The following EXOC3L2 variants were observed in gnomAD, a reference collection of about 807,000 sequenced individuals.
EXOC3L2 encodes the protein exocyst complex component 3 like 2.
Under a neutral mutation model 44.4 loss-of-function variants are expected in EXOC3L2, and 17 were observed. That is an observed-to-expected ratio of 0.38 (90% CI 0.26 to 0.57). EXOC3L2 has a LOEUF of 0.57. EXOC3L2 is among the 20% of genes least tolerant of loss of function. EXOC3L2 has a pLI of 0.65. For synonymous variants in EXOC3L2, 256 were observed against 253.7 expected, an observed-to-expected ratio of 1.01 and a Z score of -0.09; for missense variants, 541 against 588.4, an observed-to-expected ratio of 0.92 and a Z score of 0.83.
rs1158592136 is a variant in EXOC3L2, at chr19:45,238,279, G to C, written c.523+244C>G. 6.6e-6 allele frequency among the ~76,000 whole-genome samples: 1 copy of C among 152,178 alleles called. No individual in the cohort carries two copies. Among genetic ancestry groups the C allele is most frequent in the Non-Finnish European group, 1.5e-5 (1 of 68,020 alleles). Reference sequence around the variant, plus strand: ...ACGGCAGGTGGAGGAGGCAAAGATTGAGGGTGGGCATATATTAACAGGTGG... The same window carrying C: ...ACGGCAGGTGGAGGAGGCAAAGATTCAGGGTGGGCATATATTAACAGGTGG... On this transcript the variant is annotated intron_variant, in intron 2 of 11. Coordinates refer to ENST00000413988, the MANE Select transcript of EXOC3L2 (RefSeq NM_001382422.1). This position sits in a 1 kb window ranked among gnomAD's most constrained non-coding sequence, Gnocchi z 5.5.
chr19:45,230,788 T>G (rs1970022854), intron 4 of EXOC3L2, among the ~76,000 whole-genome samples: 1 of 152,196 alleles, frequency 6.6e-6, no homozygotes, highest in Non-Finnish European at 1.5e-5. Flanking sequence ...TCTGATTCTC[T>G]GATCAAATGT....
Position 45,225,272 on chromosome 19 carries a change from C to CTT in EXOC3L2, c.1584-361_1584-360dup, listed in dbSNP as rs1020532502. On this transcript the variant is annotated intron_variant, in intron 7 of 11. Coordinates refer to ENST00000413988, the MANE Select transcript of EXOC3L2 (RefSeq NM_001382422.1). ...GCCTCCATTCTAAAAGTCTGTGGTT[C>CTT]TTTTTTTTTTTTTTGAGACGGAGTC... Among the ~76,000 whole-genome samples the CTT allele has an allele frequency of 8.4e-5, 12 of 142,538 alleles. No individual in the cohort carries two copies. The East Asian group carries it at 1.6e-3, about 19-fold the overall frequency. The allele number at this position is 142,538 out of a possible 152,430, so 93.5% of individuals were successfully genotyped here. A position where few individuals can be genotyped will look rare whatever the true frequency, so the allele number is the denominator to read the frequency against.
intron 8 of EXOC3L2, among the ~76,000 whole-genome samples, chr19:45,224,333 T>C (rs1254639915): frequency 6.6e-6 from 1 of 152,014 alleles, no homozygotes; most frequent in Non-Finnish European, 1.5e-5. Context: ...AAGGGGAGTG[T>C]TCCACTGTAT....
At chr19:45,229,767 C>T (rs1260189471) in intron 4 of EXOC3L2, among the ~76,000 whole-genome samples, 1 of 149,780 alleles carries the variant, frequency 6.7e-6, no homozygotes, top group East Asian at 1.9e-4. Context: ...ATCACTTGAA[C>T]CCGGGAGGAG....
chr19:45,231,614 G>A (rs1970032573), intron 4 of EXOC3L2, 149 bp downstream of exon 4: 2 of 617,354 alleles, frequency 3.2e-6, no homozygotes, highest in Non-Finnish European at 5.6e-6. Flanking sequence ...CGGCCTTTGT[G>A]TCTATGGCAC....
chr19:45,220,331 C>T (rs1364833639), intron 8 of EXOC3L2, among the ~76,000 whole-genome samples: 2 of 151,540 alleles, frequency 1.3e-5, no homozygotes, highest in African/African-American at 4.9e-5. Context: ...ATTAGCTGGG[C>T]ATGGTGGCCC....
intron 8 of EXOC3L2, among the ~76,000 whole-genome samples, chr19:45,223,282 G>GC (rs1315491023): frequency 6.6e-6 from 1 of 152,056 alleles, no homozygotes; most frequent in East Asian, 1.9e-4. Context: ...ATGGCAGGTG[G>GC]CAGTAAGTGC....
At position 45,224,839 on chromosome 19, in the gene EXOC3L2, A is replaced by C. The variant is rs1216261700; in HGVS notation, c.1658T>G (p.Leu553Arg). 6.3e-7 allele frequency: 1 copy of C among 1,595,456 alleles called. No individual in the cohort carries two copies. Among genetic ancestry groups the C allele is most frequent in the Non-Finnish European group, 8.5e-7 (1 of 1,171,338 alleles). Residue 553 changes from leucine (L) to arginine (R), a missense_variant, in exon 8 of 12, where the codon CTG becomes CGG. By Grantham distance (102) the Leu-to-Arg change is moderately radical. Transcript: ENST00000413988. ...EPAREASASA[L>R]DHVTRLCHRV... ...GTGGCAGAGCCGGGTCACATGGTCC[A>C]GAGCACTAGCAGATGCTTCCCGGGC... is the stretch of plus-strand genomic sequence containing the variant.
At chr19:45,222,344 C>T (rs777932580) in intron 8 of EXOC3L2, among the ~76,000 whole-genome samples, 5 of 151,762 alleles carry the variant, frequency 3.3e-5, no homozygotes, top group Non-Finnish European at 7.4e-5. Flanking sequence ...GAATTACAGG[C>T]GCTTGCCACC....
intron 10 of EXOC3L2, 46 bp downstream of exon 10, chr19:45,217,482 C>G (rs2122957179): frequency 1.3e-6 from 2 of 1,520,110 alleles, no homozygotes; most frequent in Non-Finnish European, 1.7e-6. Context: ...GAAGCCAAGC[C>G]TTGTCCTGGT....
At chr19:45,235,599 C>A (rs1167639804) in intron 2 of EXOC3L2, among the ~76,000 whole-genome samples, 3 of 152,092 alleles carry the variant, frequency 2.0e-5, no homozygotes, top group Non-Finnish European at 4.4e-5. Flanking sequence ...AAAGGCGAGT[C>A]GGGCTGGAAG....
intron 8 of EXOC3L2, among the ~76,000 whole-genome samples, chr19:45,222,201 C>CTTT (rs60929770): frequency 0.024 from 3,248 of 137,190 alleles, 144 homozygotes; most frequent in African/African-American, 0.078. Flanking sequence ...TTTTTCTCTC[C>CTTT]TTTTTTTTTT....
intron 8 of EXOC3L2, among the ~76,000 whole-genome samples, chr19:45,221,221 T>C (rs1351298686): frequency 2.6e-5 from 4 of 151,886 alleles, no homozygotes; most frequent in Admixed American, 6.6e-5. Flanking sequence ...GTTTTTTTTT[T>C]TTGAAAGATA....
chr19:45,242,344 A>G (rs1970137429), intron 1 of EXOC3L2, among the ~76,000 whole-genome samples: 1 of 152,118 alleles, frequency 6.6e-6, no homozygotes. Context: ...GGCTGGCTGC[A>G]GCCTTGAACT....
intron 7 of EXOC3L2, 119 bp from the exon 8 acceptor site, chr19:45,225,032 G>A: frequency 2.4e-6 from 3 of 1,264,320 alleles, no homozygotes; most frequent in Non-Finnish European, 3.0e-6. Flanking sequence ...ATGGGGGGCT[G>A]AGAAAGGTCA....
At chr19:45,236,667 G>A (rs1244485016) in intron 2 of EXOC3L2, among the ~76,000 whole-genome samples, 1 of 151,672 alleles carries the variant, frequency 6.6e-6, no homozygotes, top group Non-Finnish European at 1.5e-5. Context: ...GAAACTGGGG[G>A]CTGAGGAAGA....
intron 7 of EXOC3L2, among the ~76,000 whole-genome samples, chr19:45,225,188 GT>G (rs201978088): frequency 1.4e-5 from 2 of 146,966 alleles, no homozygotes; most frequent in African/African-American, 2.5e-5. Context: ...GGGAAGGGGG[GT>G]CTCTCTGTGT....
intron 11 of EXOC3L2, 144 bp downstream of exon 11, chr19:45,215,929 T>G (rs900632509): frequency 1.3e-5 from 15 of 1,164,350 alleles, no homozygotes; most frequent in Non-Finnish European, 1.7e-5. Context: ...TTATTAATAA[T>G]GCCCTGGTTC....
chr19:45,230,183 GCTAA>G (rs1970015604), intron 4 of EXOC3L2, among the ~76,000 whole-genome samples: 1 of 151,396 alleles, frequency 6.6e-6, no homozygotes, highest in Non-Finnish European at 1.5e-5. Context: ...ACCACACCCA[GCTAA>G]CTTTTAAAAT....
Sources: allele counts gnomAD v4.1 joint callset (sites outside exome capture counted in the v4.1 genomes callset), GRCh38; gene constraint gnomAD v4.1.1; non-coding constraint Gnocchi (gnomAD v3.1); transcripts MANE v1.5; gene names NCBI Gene and HGNC (gene_info 2026-07-23, HGNC 2026-07-21).